The following RORA variants were observed in gnomAD, a reference collection of about 807,000 sequenced individuals.
RORA encodes RAR related orphan receptor A.
RORA carries 7 observed loss-of-function variants against 69.5 expected under a neutral mutation model. The ratio of observed to expected loss-of-function variants is 0.10; its 90% CI spans 0.06 to 0.19. The LOEUF (loss-of-function observed/expected upper bound fraction) is 0.19. RORA is among the 10% of genes least tolerant of loss of function. The probability of loss-of-function intolerance (pLI) is 1.00; values close to 1 mark genes in which losing one functional copy is unlikely to be tolerated. For synonymous variants in RORA, 261 were observed against 240.8 expected, an observed-to-expected ratio of 1.08 and a Z score of -0.78; for missense variants, 457 against 663.0, an observed-to-expected ratio of 0.69 and a Z score of 3.41.
Position 60,727,312 on chromosome 15 carries a change from C to T in RORA, c.167-48626G>A, listed in dbSNP as rs180917857. Among the ~76,000 whole-genome samples the T allele has an allele frequency of 1.0e-3, 158 of 152,300 alleles. 2 individuals carry two copies. The highest frequency in any genetic ancestry group is 1.6e-3 in the Non-Finnish European group (106 of 68,030). On this transcript the variant is annotated intron_variant, in intron 1 of 10. Coordinates refer to ENST00000335670, the MANE Select transcript of RORA (RefSeq NM_134261.3). ...CTTTAATATGACTTGGAATATCCCA[C>T]GGTTGCAAAACCCACTGAATTCCCA...
chr15:60,738,319 A>G (rs2071529470), intron 1 of RORA, among the ~76,000 whole-genome samples: 1 of 152,242 alleles, frequency 6.6e-6, no homozygotes, highest in Non-Finnish European at 1.5e-5. Flanking sequence ...AAGACTGAGG[A>G]ATATTTTACA....
intron 1 of RORA, among the ~76,000 whole-genome samples, chr15:60,727,981 T>C (rs1233586705): frequency 3.3e-5 from 5 of 152,222 alleles, no homozygotes; most frequent in Non-Finnish European, 7.3e-5. Flanking sequence ...CTGCTCACAA[T>C]GGGCTACATC....
At chr15:60,783,697 A>C (rs571951552) in intron 1 of RORA, among the ~76,000 whole-genome samples, 1 of 152,250 alleles carries the variant, frequency 6.6e-6, no homozygotes, top group African/African-American at 2.4e-5. Context: ...ACATGGGATG[A>C]CTTTGAAAGG....
At chr15:61,161,216 C>G (rs2079493180) in intron 1 of RORA, among the ~76,000 whole-genome samples, 1 of 152,166 alleles carries the variant, frequency 6.6e-6, no homozygotes, top group Admixed American at 6.5e-5. Context: ...GTCCCCCAAG[C>G]AGTGGGAACA....
At chr15:61,223,314 CAAA>C (rs10685041) in intron 1 of RORA, among the ~76,000 whole-genome samples, 99 of 96,234 alleles carry the variant, frequency 1.0e-3, no homozygotes, top group Middle Eastern at 6.8e-3. Context: ...GACTCTGTCT[CAAA>C]AAAAAAAAAA....
intron 2 of RORA, among the ~76,000 whole-genome samples, chr15:60,643,793 A>G (rs950024397): frequency 1.3e-5 from 2 of 152,178 alleles, no homozygotes; most frequent in African/African-American, 4.8e-5. Flanking sequence ...GGCAGCCCTG[A>G]GGGGAGTTAT....
chr15:60,769,000 G>A (rs542978412), intron 1 of RORA, among the ~76,000 whole-genome samples: 1 of 152,284 alleles, frequency 6.6e-6, no homozygotes, highest in South Asian at 2.1e-4. Flanking sequence ...AGTGAACACA[G>A]CTTGTGAAAC....
intron 1 of RORA, among the ~76,000 whole-genome samples, chr15:61,215,031 A>ATTTTTTT (rs61132940): frequency 7.8e-3 from 627 of 80,138 alleles, no homozygotes; most frequent in East Asian, 0.016. Context: ...CGCCCAGCTA[A>ATTTTTTT]TTTTTTTTTT....
chr15:60,707,482 G>A (rs974311603), intron 1 of RORA, among the ~76,000 whole-genome samples: 2 of 151,856 alleles, frequency 1.3e-5, no homozygotes, highest in African/African-American at 4.8e-5. Context: ...TCCTGCCTCA[G>A]CCTCCCGAGT....
At chr15:60,617,888 T>C (rs1596064919) in intron 2 of RORA, among the ~76,000 whole-genome samples, 2 of 151,966 alleles carry the variant, frequency 1.3e-5, no homozygotes, top group Admixed American at 1.3e-4. Flanking sequence ...TATGTCAGGG[T>C]GTTGCTGTGG....
chr15:61,043,937 G>A (rs541467029), intron 1 of RORA, among the ~76,000 whole-genome samples: 2 of 152,254 alleles, frequency 1.3e-5, no homozygotes, highest in East Asian at 3.9e-4. Flanking sequence ...TAATGCACAA[G>A]TCAGGATTTG....
chr15:60,970,772 T>A (rs1259325933), intron 1 of RORA, among the ~76,000 whole-genome samples: 1 of 152,188 alleles, frequency 6.6e-6, no homozygotes, highest in African/African-American at 2.4e-5. Context: ...GGTTGTGTAT[T>A]TTTTCCTTGA....
chr15:60,589,748 A>T (rs2068443256), intron 2 of RORA, among the ~76,000 whole-genome samples: 1 of 152,208 alleles, frequency 6.6e-6, no homozygotes, highest in South Asian at 2.1e-4. Context: ...TGGTGAGTTC[A>T]AAGGGCCTGA....
At chr15:61,120,534 C>A (rs930075213) in intron 1 of RORA, among the ~76,000 whole-genome samples, 3 of 151,786 alleles carry the variant, frequency 2.0e-5, no homozygotes, top group Non-Finnish European at 4.4e-5. Flanking sequence ...CCCGTCTCTA[C>A]TAAAAATGCA....
chr15:60,640,135 T>C (rs1411477476), intron 2 of RORA, among the ~76,000 whole-genome samples: 1 of 152,152 alleles, frequency 6.6e-6, no homozygotes, highest in Non-Finnish European at 1.5e-5. Context: ...AAAATAATAT[T>C]CCTCTCGCAG....
At chr15:60,541,556 G>A (rs1015944198) in intron 2 of RORA, among the ~76,000 whole-genome samples, 1 of 152,218 alleles carries the variant, frequency 6.6e-6, no homozygotes, top group African/African-American at 2.4e-5. Context: ...TTCCCAAGGG[G>A]AAGTGGCAGG....
At chr15:61,015,555 A>T (rs1392476863) in intron 1 of RORA, among the ~76,000 whole-genome samples, 1 of 152,172 alleles carries the variant, frequency 6.6e-6, no homozygotes, top group Non-Finnish European at 1.5e-5. Context: ...ATACTAGTTC[A>T]TATTTATTGA....
At chr15:60,673,445 A>G (rs1189109158) in intron 2 of RORA, among the ~76,000 whole-genome samples, 1 of 152,234 alleles carries the variant, frequency 6.6e-6, no homozygotes, top group African/African-American at 2.4e-5. Flanking sequence ...AGGGATTTTT[A>G]CTTTCTCAGA....
At chr15:60,535,627 A>G (rs539038973) in intron 2 of RORA, among the ~76,000 whole-genome samples, 1 of 152,330 alleles carries the variant, frequency 6.6e-6, no homozygotes, top group East Asian at 1.9e-4. Flanking sequence ...TTAAGATGAC[A>G]TTTATTCCTC....
Sources: allele counts gnomAD v4.1 joint callset (sites outside exome capture counted in the v4.1 genomes callset), GRCh38; gene constraint gnomAD v4.1.1; transcripts MANE v1.5; gene names NCBI Gene and HGNC (gene_info 2026-07-23, HGNC 2026-07-21).